The following ZFAND3 variants were observed in gnomAD, a reference collection of about 807,000 sequenced individuals.
ZFAND3 encodes the protein zinc finger AN1-type containing 3, also known as AN1-type zinc finger protein 3.
A neutral mutation model predicts 29.6 loss-of-function variants in ZFAND3; 10 were observed. The observed-to-expected ratio is 0.34, with a 90% confidence interval of 0.21 to 0.57. ZFAND3 has a LOEUF of 0.57. ZFAND3 is among the 20% of genes least tolerant of loss of function. The pLI, the probability that ZFAND3 is intolerant of heterozygous loss-of-function variation, is 0.86. For synonymous variants in ZFAND3, 128 were observed against 112.6 expected (o/e 1.14, Z -0.87); for missense variants, 230 against 304.5 (o/e 0.76, Z 1.82).
chr6:38,097,375 C>T (rs1210179651), intron 4 of ZFAND3, among the ~76,000 whole-genome samples: 1 of 151,938 alleles, frequency 6.6e-6, no homozygotes, highest in Admixed American at 6.6e-5. Flanking sequence ...GTGTGAGCCA[C>T]CGCACCCAGC....
chr6:37,937,543 T>C (rs1761720524), intron 2 of ZFAND3, among the ~76,000 whole-genome samples: 1 of 150,226 alleles, frequency 6.7e-6, no homozygotes, highest in South Asian at 2.1e-4. Flanking sequence ...TAATTCCAGC[T>C]ACTTGGGAGG....
At chr6:37,947,167 C>G (rs1761918428) in intron 2 of ZFAND3, among the ~76,000 whole-genome samples, 1 of 152,064 alleles carries the variant, frequency 6.6e-6, no homozygotes, top group Non-Finnish European at 1.5e-5. Flanking sequence ...GTTCAAATTT[C>G]TTTTAAAAAT....
At chr6:38,026,996 G>A (rs1308770990) in intron 2 of ZFAND3, among the ~76,000 whole-genome samples, 1 of 152,028 alleles carries the variant, frequency 6.6e-6, no homozygotes, top group Admixed American at 6.5e-5. Context: ...TTGGTGGGGG[G>A]AGGGCGGAAC....
chr6:37,903,992 T>C (rs895438515), intron 1 of ZFAND3, among the ~76,000 whole-genome samples: 1 of 152,196 alleles, frequency 6.6e-6, no homozygotes, highest in Admixed American at 6.5e-5. Flanking sequence ...GCCTACAGTT[T>C]TTGCTTTTCT....
At chr6:37,916,942 A>ACAG (rs1761270529) in intron 1 of ZFAND3, among the ~76,000 whole-genome samples, 2 of 152,304 alleles carry the variant, frequency 1.3e-5, no homozygotes, top group Admixed American at 1.3e-4. Context: ...TGTCCTGGTG[A>ACAG]TCAGGTAGAC....
At chr6:37,936,757 A>G (rs1457106599) in intron 2 of ZFAND3, among the ~76,000 whole-genome samples, 1 of 152,220 alleles carries the variant, frequency 6.6e-6, no homozygotes, top group African/African-American at 2.4e-5. Context: ...AATTGCACAA[A>G]TTACAAATGT....
Position 38,153,999 on chromosome 6 carries a change from G to C in ZFAND3, c.*1610G>C. 1 of 985,494 alleles carries C rather than the reference G, an allele frequency of 1.0e-6. No individual in the cohort carries two copies. Among genetic ancestry groups the C allele is most frequent in the Non-Finnish European group, 1.2e-6 (1 of 829,940 alleles). The allele number at this position is 985,494 out of a possible 1,614,324, so 61.0% of individuals were successfully genotyped here. Reference sequence around the variant, plus strand: ...TTTTTGATCCGACGTACTGAAATAGGAAGTCATGCTCTTCCCACCCTCCAC... The same window carrying C: ...TTTTTGATCCGACGTACTGAAATAGCAAGTCATGCTCTTCCCACCCTCCAC... On this transcript the variant is annotated 3_prime_UTR_variant, in exon 6 of 6. Coordinates refer to ENST00000287218, the MANE Select transcript of ZFAND3 (RefSeq NM_021943.3).
intron 5 of ZFAND3, among the ~76,000 whole-genome samples, chr6:38,146,228 A>G (rs1320750339): frequency 6.6e-6 from 1 of 152,100 alleles, no homozygotes; most frequent in Non-Finnish European, 1.5e-5. Context: ...TAGCTGGTGG[A>G]GACCCTGGGG....
intron 1 of ZFAND3, among the ~76,000 whole-genome samples, chr6:37,900,466 A>G (rs1765298998): frequency 6.6e-6 from 1 of 152,254 alleles, no homozygotes; most frequent in Admixed American, 6.5e-5. Context: ...TAAAATTTTA[A>G]TATCAAATAA....
chr6:38,040,551 G>A (rs1223419148), intron 2 of ZFAND3, among the ~76,000 whole-genome samples: 1 of 152,110 alleles, frequency 6.6e-6, no homozygotes, highest in Non-Finnish European at 1.5e-5. Flanking sequence ...GTGAAGTACA[G>A]CATTTAAAAA....
chr6:38,072,760 A>G (rs183427128), intron 3 of ZFAND3, among the ~76,000 whole-genome samples: 6 of 152,220 alleles, frequency 3.9e-5, no homozygotes, highest in Non-Finnish European at 7.3e-5. Flanking sequence ...AGAGCTGCCA[A>G]TGCCAAAAAA....
At chr6:37,979,708 A>G (rs1762548924) in intron 2 of ZFAND3, among the ~76,000 whole-genome samples, 1 of 152,098 alleles carries the variant, frequency 6.6e-6, no homozygotes, top group Non-Finnish European at 1.5e-5. Context: ...CTGGCATCAG[A>G]TAGTTTTTTC....
At chr6:38,132,709 GT>G (rs1765765467) in intron 5 of ZFAND3, among the ~76,000 whole-genome samples, 1 of 152,208 alleles carries the variant, frequency 6.6e-6, no homozygotes, top group Non-Finnish European at 1.5e-5. Flanking sequence ...TTCCTGGCAG[GT>G]AGTCCCACTG....
chr6:37,868,219 A>G (rs997189805), intron 1 of ZFAND3, among the ~76,000 whole-genome samples: 2 of 152,176 alleles, frequency 1.3e-5, no homozygotes, highest in Admixed American at 1.3e-4. Context: ...TATTCTGTTA[A>G]TGGGGCATTC....
intron 4 of ZFAND3, among the ~76,000 whole-genome samples, chr6:38,094,260 T>G (rs77037208): frequency 6.6e-6 from 1 of 152,198 alleles, no homozygotes; most frequent in Non-Finnish European, 1.5e-5. Flanking sequence ...ATTCAAGCTG[T>G]CATTAAGTAG....
At chr6:37,853,284 A>G (rs906411786) in intron 1 of ZFAND3, among the ~76,000 whole-genome samples, 2 of 152,046 alleles carry the variant, frequency 1.3e-5, no homozygotes, top group Non-Finnish European at 2.9e-5. Context: ...TCAGGCTTGG[A>G]TGGGGTGCCA....
intron 2 of ZFAND3, among the ~76,000 whole-genome samples, chr6:37,940,833 AG>A (rs1203555835): frequency 6.6e-6 from 1 of 152,268 alleles, no homozygotes; most frequent in Non-Finnish European, 1.5e-5. Context: ...TTGAAGAAAA[AG>A]AAAAATGACA....
chr6:37,856,310 C>G (rs1168383592), intron 1 of ZFAND3, among the ~76,000 whole-genome samples: 2 of 152,142 alleles, frequency 1.3e-5, no homozygotes, highest in African/African-American at 4.8e-5. Context: ...TGTTTCTTCT[C>G]TAGTCTTACT....
chr6:38,112,735 T>G (rs1056431981), intron 4 of ZFAND3, among the ~76,000 whole-genome samples: 2 of 152,216 alleles, frequency 1.3e-5, no homozygotes, highest in East Asian at 3.8e-4. Context: ...ATTATTTAAT[T>G]CATTATCATG....
Sources: allele counts gnomAD v4.1 joint callset (sites outside exome capture counted in the v4.1 genomes callset), GRCh38; gene constraint gnomAD v4.1.1; transcripts MANE v1.5; gene names NCBI Gene and HGNC (gene_info 2026-07-23, HGNC 2026-07-21).